The following CAMK2A variants were observed in gnomAD, a reference collection of about 807,000 sequenced individuals.
CAMK2A encodes the protein calcium/calmodulin dependent protein kinase II alpha.
CAMK2A carries 7 observed loss-of-function variants against 79.2 expected under a neutral mutation model. The observed-to-expected ratio is 0.09, with a 90% CI of 0.05 to 0.17. The LOEUF is 0.17. Among genes scored for constraint, CAMK2A ranks in the 10% least tolerant of loss-of-function variants. The probability of loss-of-function intolerance (pLI) is 1.00; values close to 1 mark genes in which losing one functional copy is unlikely to be tolerated. For missense variants in CAMK2A, 214 were observed against 646.4 expected, an observed-to-expected ratio of 0.33 and a Z score of 7.25; for synonymous variants, 242 against 251.7, an observed-to-expected ratio of 0.96 and a Z score of 0.36.
In CAMK2A at chr5:150,219,532, A is replaced by C. The variant is rs1754183795; in HGVS notation, c.*3178T>G. On this transcript the variant is annotated 3_prime_UTR_variant, in exon 19 of 19. Transcript: ENST00000671881. Reference sequence around the variant, plus strand: ...GCTATTTATTGCACTGAAAACACCAAGAATAAAACAAACGCCCCTTCTTCC... The same window carrying C: ...GCTATTTATTGCACTGAAAACACCACGAATAAAACAAACGCCCCTTCTTCC... 6.6e-6 allele frequency: 1 copy of C among 151,414 alleles called. No homozygotes were observed. Among genetic ancestry groups the C allele is most frequent in the Admixed American group, 6.6e-5 (1 of 15,178 alleles). 9.4% of individuals were successfully genotyped at this position (151,414 alleles called of 1,614,324 possible).
At chr5:150,238,517 C>T in intron 15 of CAMK2A, 183 bp downstream of exon 15, 1 of 707,612 alleles carries the variant, frequency 1.4e-6, no homozygotes, top group East Asian at 2.7e-5. Context: ...AGTTCCAGTA[C>T]CACCCCCGCC....
intron 16 of CAMK2A, among the ~76,000 whole-genome samples, chr5:150,229,411 T>G (rs572373011): frequency 3.9e-5 from 6 of 152,160 alleles, no homozygotes; most frequent in Admixed American, 1.3e-4. Flanking sequence ...GCCCCAACCC[T>G]GGAGGCACCT....
intron 13 of CAMK2A, among the ~76,000 whole-genome samples, chr5:150,241,246 C>T (rs926537854): frequency 2.0e-5 from 3 of 152,204 alleles, no homozygotes; most frequent in African/African-American, 7.2e-5. Flanking sequence ...TGCATTTTCC[C>T]CAGCTGGGCT....
chr5:150,257,769 T>C lies in CAMK2A; in HGVS notation c.218-152A>G. ...TGCCAGGTGCTTTGACAAGCGCTGG[T>C]GAACAAGGGCTCACTGCATTGAGTC... On this transcript the variant is annotated intron_variant, in intron 3 of 18. Transcript: ENST00000671881. 6.1e-6 allele frequency: 4 copies of C among 655,524 alleles called. No homozygotes were observed. In the South Asian group the frequency reaches 7.0e-5, roughly 11 times the overall value. The allele number at this position is 655,524 out of a possible 1,614,324, so 40.6% of individuals were successfully genotyped here.
chr5:150,275,258 T>A (rs956035195), intron 1 of CAMK2A, among the ~76,000 whole-genome samples: 7 of 152,164 alleles, frequency 4.6e-5, no homozygotes, highest in Non-Finnish European at 1.0e-4. Context: ...AAGACCCCAG[T>A]CCCCTCCCTG....
chr5:150,272,527 G>A (rs566993980), intron 2 of CAMK2A, among the ~76,000 whole-genome samples: 6 of 149,450 alleles, frequency 4.0e-5, no homozygotes, highest in African/African-American at 9.9e-5. Flanking sequence ...AGCCAAGATC[G>A]CACCATTGCA....
chr5:150,267,274 C>T (rs1756552304), intron 2 of CAMK2A, among the ~76,000 whole-genome samples: 1 of 152,162 alleles, frequency 6.6e-6, no homozygotes, highest in South Asian at 2.1e-4. Flanking sequence ...CATACCCTAC[C>T]CCCCATCCCA....
intron 3 of CAMK2A, among the ~76,000 whole-genome samples, chr5:150,261,041 C>T (rs1208319584): frequency 6.6e-6 from 1 of 152,184 alleles, no homozygotes; most frequent in African/African-American, 2.4e-5. Context: ...GACTGGAGTC[C>T]CAGATCTACC....
chr5:150,286,527 G>A (rs770246509), intron 1 of CAMK2A, among the ~76,000 whole-genome samples: 6 of 152,240 alleles, frequency 3.9e-5, no homozygotes, highest in Admixed American at 1.3e-4. Context: ...GCAGCCCAAC[G>A]CCTTGAAGGA....
chr5:150,253,226 T>C (rs1459485207), intron 7 of CAMK2A, among the ~76,000 whole-genome samples: 1 of 152,156 alleles, frequency 6.6e-6, no homozygotes, highest in East Asian at 1.9e-4. Context: ...GGGAGCCCTG[T>C]GGAAGGCCGT....
chr5:150,239,701 C>G lies in CAMK2A; in HGVS notation c.1017+3G>C, dbSNP rs1393876514. ...CCGGCGTTAGGAGACGGCAGACACT[C>G]ACCATTAACTGAACGCTGGAACTGG... On this transcript the variant is annotated splice_donor_region_variant and intron_variant, in intron 14 of 18. Coordinates refer to ENST00000671881, the MANE Select transcript of CAMK2A (RefSeq NM_015981.4). 2 of 1,613,924 alleles carry G rather than the reference C, an allele frequency of 1.2e-6. No individual in the cohort carries two copies. Among genetic ancestry groups the G allele is most frequent in the Non-Finnish European group, 1.7e-6 (2 of 1,179,818 alleles).
At chr5:150,278,963 G>A (rs1185587781) in intron 1 of CAMK2A, among the ~76,000 whole-genome samples, 1 of 152,176 alleles carries the variant, frequency 6.6e-6, no homozygotes, top group African/African-American at 2.4e-5. Context: ...AGACACCGGA[G>A]GAACCAAGTC....
intron 3 of CAMK2A, among the ~76,000 whole-genome samples, chr5:150,263,802 G>T (rs745446533): frequency 1.7e-4 from 26 of 152,324 alleles, no homozygotes; most frequent in Non-Finnish European, 3.4e-4. Context: ...ATAGGCAGGG[G>T]CTGCTGAAGG....
chr5:150,271,199 C>G (rs1756733117), intron 2 of CAMK2A, among the ~76,000 whole-genome samples: 1 of 152,242 alleles, frequency 6.6e-6, no homozygotes. Context: ...CCTCTGCTGG[C>G]ATTCCTGCCC....
intron 13 of CAMK2A, among the ~76,000 whole-genome samples, chr5:150,243,769 A>T (rs1207157555): frequency 6.6e-6 from 1 of 152,148 alleles, no homozygotes; most frequent in African/African-American, 2.4e-5. Flanking sequence ...GGAGGTGGAG[A>T]TCTCTTTTAA....
intron 6 of CAMK2A, among the ~76,000 whole-genome samples, chr5:150,255,218 C>T (rs896916076): frequency 1.3e-5 from 2 of 152,220 alleles, no homozygotes; most frequent in African/African-American, 4.8e-5. Flanking sequence ...GGGAACAGGC[C>T]CTCTGGGAGA....
intron 2 of CAMK2A, among the ~76,000 whole-genome samples, chr5:150,271,849 T>C (rs564657389): frequency 6.6e-6 from 1 of 152,332 alleles, no homozygotes; most frequent in Non-Finnish European, 1.5e-5. Flanking sequence ...CACCCCGGTG[T>C]CTTGTTAAAA....
chr5:150,255,207 T>C (rs901403712), intron 6 of CAMK2A, among the ~76,000 whole-genome samples: 4 of 152,208 alleles, frequency 2.6e-5, no homozygotes, highest in Admixed American at 2.6e-4. Flanking sequence ...GCAGCTATAA[T>C]GGGAACAGGC....
rs1249759687 is a variant in CAMK2A at position 150,285,504 on chromosome 5, T to A, written c.62+4060A>T. On this transcript the variant is annotated intron_variant, in intron 1 of 18. Transcript: ENST00000671881. ...AGCACATTCTACAGATGTTAGAGTT[T>A]GGGTCCCATGAGAGGACTTGAGCAC... Among the ~76,000 whole-genome samples the A allele has an allele frequency of 2.6e-5, 4 of 152,198 alleles. 1 individual carries two copies. Among genetic ancestry groups the A allele is most frequent in the Non-Finnish European group, 5.9e-5 (4 of 68,022 alleles).
Sources: gnomAD v4.1 joint callset for allele counts (sites outside exome capture counted in the v4.1 genomes callset) on GRCh38, gnomAD v4.1.1 for gene constraint, MANE v1.5 for transcripts, NCBI Gene and HGNC (gene_info 2026-07-23, HGNC 2026-07-21) for gene names.